Variants in NCALD observed in about 807,000 individuals in gnomAD.
NCALD encodes neurocalcin delta.
Under a neutral mutation model 18.6 loss-of-function variants are expected in NCALD, and 10 were observed. The observed-to-expected ratio is 0.54, with a 90% confidence interval of 0.33 to 0.91. The LOEUF is 0.91. NCALD is among the 40% of genes least tolerant of loss of function. NCALD has a pLI of 0.03. For synonymous variants in NCALD, 88 were observed against 87.4 expected (o/e 1.01, Z -0.04); for missense variants, 184 against 247.6 (o/e 0.74, Z 1.72).
At chr8:102,046,969 C>T (rs1202796751) in intron 1 of NCALD, among the ~76,000 whole-genome samples, 1 of 152,176 alleles carries the variant, frequency 6.6e-6, no homozygotes, top group Non-Finnish European at 1.5e-5. Flanking sequence ...CCTCTCCCTC[C>T]TCCCATTCTC....
At chr8:102,045,830 C>T (rs1823219550) in intron 1 of NCALD, among the ~76,000 whole-genome samples, 1 of 152,162 alleles carries the variant, frequency 6.6e-6, no homozygotes. Context: ...TCCATAATCA[C>T]CAATTGGTTG....
At chr8:102,094,977 A>G (rs752954892) in intron 1 of NCALD, among the ~76,000 whole-genome samples, 2 of 152,210 alleles carry the variant, frequency 1.3e-5, no homozygotes, top group Non-Finnish European at 2.9e-5. Flanking sequence ...CAGGCTTCTA[A>G]CCTCCAGAGA....
chr8:102,102,964 C>G (rs1254757945), intron 1 of NCALD, among the ~76,000 whole-genome samples: 1 of 152,164 alleles, frequency 6.6e-6, no homozygotes, highest in African/African-American at 2.4e-5. Context: ...CTCATGCCAA[C>G]TAAATGCTCA....
intron 4 of NCALD, among the ~76,000 whole-genome samples, chr8:101,804,345 ATT>A (rs1812987335): frequency 7.8e-6 from 1 of 128,992 alleles, no homozygotes; most frequent in Non-Finnish European, 1.6e-5. Context: ...TCAATTATAT[ATT>A]ATATATAATT....
At chr8:101,988,589 C>G (rs1820917069) in intron 2 of NCALD, among the ~76,000 whole-genome samples, 1 of 152,204 alleles carries the variant, frequency 6.6e-6, no homozygotes, top group African/African-American at 2.4e-5. Flanking sequence ...CCTGGCCTGA[C>G]TAAACATATA....
chr8:101,891,031 A>G (rs72679035), intron 3 of NCALD, among the ~76,000 whole-genome samples: 1,738 of 152,360 alleles, frequency 0.011, 13 homozygotes, highest in Middle Eastern at 0.027. Flanking sequence ...TGAATGAAAG[A>G]AAGCAAGTAA....
At chr8:101,812,755 T>C (rs1430262830) in intron 4 of NCALD, among the ~76,000 whole-genome samples, 3 of 152,190 alleles carry the variant, frequency 2.0e-5, no homozygotes, top group Non-Finnish European at 4.4e-5. Context: ...AGTTCCCAGT[T>C]ACAGTCTCTG....
intron 1 of NCALD, 145 bp from the exon 2 acceptor site, chr8:101,719,793 ACACAC>A: frequency 1.4e-6 from 1 of 712,522 alleles, no homozygotes. Context: ...AGGTTTTGCA[ACACAC>A]TGGTCAGCCA....
At chr8:101,738,962 T>C (rs1257598787) in intron 1 of NCALD, among the ~76,000 whole-genome samples, 1 of 152,158 alleles carries the variant, frequency 6.6e-6, no homozygotes, top group Non-Finnish European at 1.5e-5. Flanking sequence ...TGAGCTTCAC[T>C]TGTCTCTTTC....
intron 3 of NCALD, among the ~76,000 whole-genome samples, chr8:101,911,398 C>G (rs1241141464): frequency 2.0e-5 from 3 of 149,204 alleles, no homozygotes; most frequent in Non-Finnish European, 3.0e-5. Flanking sequence ...CACTCTGTCG[C>G]CCAGGTTGGA....
intron 2 of NCALD, among the ~76,000 whole-genome samples, chr8:101,933,852 A>G (rs1818662966): frequency 6.6e-6 from 1 of 152,184 alleles, no homozygotes. Flanking sequence ...GGGGCTACAG[A>G]AAAGGATTTT....
intron 1 of NCALD, among the ~76,000 whole-genome samples, chr8:101,756,119 A>C (rs1203543243): frequency 1.3e-5 from 2 of 151,732 alleles, no homozygotes; most frequent in African/African-American, 4.8e-5. Context: ...ATGTCAGAAA[A>C]TCAGATCAGA....
chr8:101,933,020 C>T (rs1586779856), intron 2 of NCALD, among the ~76,000 whole-genome samples: 1 of 152,174 alleles, frequency 6.6e-6, no homozygotes. Flanking sequence ...CACACATATG[C>T]ACATATACAC....
intron 2 of NCALD, among the ~76,000 whole-genome samples, chr8:101,936,284 T>C (rs1818761027): frequency 6.6e-6 from 1 of 152,216 alleles, no homozygotes; most frequent in African/African-American, 2.4e-5. Flanking sequence ...CATATTCTTC[T>C]CCAACCACAT....
chr8:101,988,455 AACTT>A (rs1354960317), intron 2 of NCALD, among the ~76,000 whole-genome samples: 1 of 152,182 alleles, frequency 6.6e-6, no homozygotes, highest in East Asian at 1.9e-4. Flanking sequence ...GACATCGAGA[AACTT>A]ACTTGAAACA....
At chr8:102,022,312 C>T (rs1336652380) in intron 1 of NCALD, among the ~76,000 whole-genome samples, 1 of 152,204 alleles carries the variant, frequency 6.6e-6, no homozygotes, top group Non-Finnish European at 1.5e-5. Flanking sequence ...ATTCTATGAT[C>T]ATTTCAGTAA....
rs200843950 is a variant in NCALD, at chr8:101,908,436, CACAA to C, written c.-107+7369_-107+7372del. ...TCACATATTTTTTCTCCTCTGACCC[CACAA>C]ACAATGTTGTTTTGGAGAACCACAA... On this transcript the variant is annotated intron_variant, in intron 3 of 6. Transcript: ENST00000311028. 5.3e-3 allele frequency among the ~76,000 whole-genome samples: 814 copies of C among 152,260 alleles called. 5 individuals are homozygous for C. The highest frequency in any genetic ancestry group is 0.017 in the African/African-American group (717 of 41,524).
intron 1 of NCALD, among the ~76,000 whole-genome samples, chr8:101,737,674 AT>A (rs1809986795): frequency 1.3e-5 from 2 of 152,220 alleles, no homozygotes; most frequent in African/African-American, 4.8e-5. Flanking sequence ...TAACATTAAA[AT>A]TCCAACTCTC....
At chr8:102,050,839 A>AT (rs888011540) in intron 1 of NCALD, among the ~76,000 whole-genome samples, 5 of 145,998 alleles carry the variant, frequency 3.4e-5, no homozygotes, top group African/African-American at 1.2e-4. Flanking sequence ...TAATTTAATC[A>AT]TTTTTAATTT....
Sources: gnomAD v4.1 joint callset for allele counts (sites outside exome capture counted in the v4.1 genomes callset) on GRCh38, gnomAD v4.1.1 for gene constraint, MANE v1.5 for transcripts, NCBI Gene and HGNC (gene_info 2026-07-23, HGNC 2026-07-21) for gene names.